BACH2: variants seen among roughly 807,000 people sequenced by gnomAD.
The protein encoded by BACH2 is transcription regulator protein BACH2.
In BACH2, 5 loss-of-function variants were observed where a neutral mutation model predicts 61.8. The observed-to-expected ratio is 0.08, with a 90% confidence interval of 0.04 to 0.17. BACH2 has a LOEUF of 0.17. Ranked by LOEUF, BACH2 falls within the 10% of genes least tolerant of loss-of-function variation. The pLI, the probability that BACH2 is intolerant of heterozygous loss-of-function variation, is 1.00. For synonymous variants in BACH2, 446 were observed against 440.1 expected (o/e 1.01, Z -0.17); for missense variants, 824 against 1,091.1 (o/e 0.76, Z 3.45).
chr6:90,073,095 G>A (rs1385831849), intron 5 of BACH2, among the ~76,000 whole-genome samples: 1 of 152,208 alleles, frequency 6.6e-6, no homozygotes, highest in Non-Finnish European at 1.5e-5. Context: ...ATCCATCTTC[G>A]CAGTAAGTTA....
intron 4 of BACH2, among the ~76,000 whole-genome samples, chr6:90,133,272 A>C (rs1469994034): frequency 6.6e-6 from 1 of 152,240 alleles, no homozygotes; most frequent in African/African-American, 2.4e-5. Flanking sequence ...ACCAGGAAGG[A>C]AATTGAAGTG....
intron 5 of BACH2, among the ~76,000 whole-genome samples, chr6:90,046,730 G>C (rs1779795948): frequency 6.6e-6 from 1 of 152,022 alleles, no homozygotes; most frequent in Admixed American, 6.6e-5. Flanking sequence ...CAGACCTATA[G>C]AGACGCTTTT....
At chr6:90,112,973 G>A (rs992088500) in intron 4 of BACH2, among the ~76,000 whole-genome samples, 3 of 152,104 alleles carry the variant, frequency 2.0e-5, no homozygotes, top group African/African-American at 7.2e-5. Flanking sequence ...AGACAAAGCT[G>A]ATTTCAAACC....
At chr6:90,082,922 A>G (rs1488684130) in intron 5 of BACH2, among the ~76,000 whole-genome samples, 1 of 152,196 alleles carries the variant, frequency 6.6e-6, no homozygotes, top group Non-Finnish European at 1.5e-5. Context: ...ACATGCTAGA[A>G]ATAACAGATT....
chr6:90,208,380 A>G (rs1769223412), intron 3 of BACH2, among the ~76,000 whole-genome samples: 2 of 152,232 alleles, frequency 1.3e-5, no homozygotes, highest in Admixed American at 1.3e-4. Context: ...ACCCCATCAA[A>G]AAGTGGGCAA....
At chr6:90,277,226 AT>A (rs1321234085) in intron 1 of BACH2, among the ~76,000 whole-genome samples, 1 of 152,218 alleles carries the variant, frequency 6.6e-6, no homozygotes, top group East Asian at 1.9e-4. Flanking sequence ...GCTACTCATA[AT>A]GGCCCCAAAC....
intron 3 of BACH2, chr6:90,218,095 C>G (rs1372904097): frequency 6.6e-6 from 1 of 152,170 alleles, no homozygotes; most frequent in African/African-American, 2.4e-5. Context: ...TTTTCCTGTT[C>G]TCCCTCCTCT....
chr6:89,927,291 T>C lies in BACH2; in HGVS notation c.*5117A>G, dbSNP rs927320307. On this transcript the variant is annotated 3_prime_UTR_variant, in exon 9 of 9. Coordinates refer to ENST00000257749, the MANE Select transcript of BACH2 (RefSeq NM_021813.4). ...GAGCGTGAAACGGGCATCCCAGGAT[T>C]TGCACACACAAAATACATTGTTAGG... 2.6e-5 allele frequency: 4 copies of C among 152,840 alleles called. No individual in the cohort carries two copies. Among genetic ancestry groups the C allele is most frequent in the Admixed American group, 2.0e-4 (3 of 15,290 alleles). 9.5% of individuals were successfully genotyped at this position (152,840 alleles called of 1,614,324 possible).
chr6:90,053,114 A>G (rs778866789), intron 5 of BACH2, among the ~76,000 whole-genome samples: 3 of 152,184 alleles, frequency 2.0e-5, no homozygotes, highest in African/African-American at 7.2e-5. Flanking sequence ...GGAACTTATA[A>G]TGCAAACTCT....
intron 4 of BACH2, among the ~76,000 whole-genome samples, chr6:90,148,049 G>A (rs1200671396): frequency 6.6e-6 from 1 of 152,140 alleles, no homozygotes; most frequent in Non-Finnish European, 1.5e-5. Flanking sequence ...GGTACAGAGA[G>A]GCTCTTCCCA....
At chr6:89,961,831 T>C (rs1252077369) in intron 6 of BACH2, among the ~76,000 whole-genome samples, 2 of 152,226 alleles carry the variant, frequency 1.3e-5, no homozygotes, top group Non-Finnish European at 2.9e-5. Flanking sequence ...GGACACACTA[T>C]CACCTCTCTC....
intron 5 of BACH2, among the ~76,000 whole-genome samples, chr6:90,058,477 T>C (rs995989138): frequency 3.6e-4 from 54 of 152,004 alleles, no homozygotes; most frequent in African/African-American, 1.3e-3. Context: ...TAAAAGAGGA[T>C]ATAAACAAAT....
intron 4 of BACH2, among the ~76,000 whole-genome samples, chr6:90,096,324 C>G (rs556741425): frequency 6.6e-6 from 1 of 152,314 alleles, no homozygotes; most frequent in South Asian, 2.1e-4. Context: ...ACTTCTCCTT[C>G]ACTAGGTCTA....
At chr6:90,035,523 T>C (rs922082995) in intron 5 of BACH2, among the ~76,000 whole-genome samples, 4 of 152,156 alleles carry the variant, frequency 2.6e-5, no homozygotes, top group East Asian at 1.9e-4. Flanking sequence ...ACTAACTTCA[T>C]GTTCAACTAA....
At position 89,954,877 on chromosome 6, in the gene BACH2, T is replaced by C. The variant is rs1306637205; in HGVS notation, c.244-3015A>G. Among the ~76,000 whole-genome samples the C allele has an allele frequency of 2.6e-5, 4 of 152,336 alleles. No individual in the cohort carries two copies. The East Asian group carries it at 7.7e-4, about 29-fold the overall frequency. On this transcript the variant is annotated intron_variant, in intron 6 of 8. Transcript: ENST00000257749. ...TAGATAAAAAATCTGGTTTGTAAAC[T>C]GTCACTTAAGCCCAAGGGCAGAGGA...
chr6:89,995,086 G>A (rs1297361810), intron 6 of BACH2, among the ~76,000 whole-genome samples: 2 of 152,122 alleles, frequency 1.3e-5, no homozygotes, highest in African/African-American at 4.8e-5. Context: ...ACTGGTTTGT[G>A]TAAACCAGTA....
chr6:90,214,903 A>T (rs1769480737), intron 3 of BACH2, among the ~76,000 whole-genome samples: 1 of 151,978 alleles, frequency 6.6e-6, no homozygotes, highest in Non-Finnish European at 1.5e-5. Context: ...CTGGGACTAC[A>T]GGTGTGCACC....
chr6:90,150,791 T>C (rs548800902), intron 4 of BACH2, among the ~76,000 whole-genome samples: 21 of 152,264 alleles, frequency 1.4e-4, no homozygotes, highest in Admixed American at 1.2e-3. Flanking sequence ...GCATGGTCAA[T>C]GGCTGGGAGT....
Position 90,173,671 on chromosome 6 carries a change from G to A in BACH2, c.-162+32898C>T, listed in dbSNP as rs184759469. ...GATCAGTAGTTTCCTAATGCCAGAC[G>A]TGAGGGAAGGAAACTGATAGCAAAA... On this transcript the variant is annotated intron_variant, in intron 4 of 8. Transcript: ENST00000257749. Among the ~76,000 whole-genome samples the A allele has an allele frequency of 3.9e-5, 6 of 152,236 alleles. No homozygotes were observed. In the East Asian group the frequency reaches 1.2e-3, roughly 29 times the overall value.
Sources: allele counts gnomAD v4.1 joint callset (sites outside exome capture counted in the v4.1 genomes callset), GRCh38; gene constraint gnomAD v4.1.1; transcripts MANE v1.5; gene names NCBI Gene and HGNC (gene_info 2026-07-23, HGNC 2026-07-21).